The following EHD1 variants were observed in gnomAD, a reference collection of about 807,000 sequenced individuals.
EHD1 encodes the protein EH domain-containing protein 1.
Under a neutral mutation model 39.0 loss-of-function variants are expected in EHD1, and 19 were observed. The observed-to-expected ratio is 0.49, with a 90% CI of 0.34 to 0.72. The LOEUF (loss-of-function observed/expected upper bound fraction) is 0.72, where lower values mean the gene tolerates loss of function less well. EHD1 is among the 30% of genes least tolerant of loss of function. The pLI is 0.01. For missense variants in EHD1, 542 were observed against 751.5 expected (o/e 0.72, Z 3.26); for synonymous variants, 323 against 331.2 (o/e 0.98, Z 0.27).
intron 1 of EHD1, among the ~76,000 whole-genome samples, chr11:64,875,914 G>A (rs575505102): frequency 6.6e-6 from 1 of 152,334 alleles, no homozygotes; most frequent in South Asian, 2.1e-4. Context: ...ATGGGAAGCA[G>A]AATTGGCTCT....
intron 2 of EHD1, among the ~76,000 whole-genome samples, chr11:64,865,519 G>A (rs1166718993): frequency 4.6e-5 from 7 of 152,202 alleles, no homozygotes; most frequent in Non-Finnish European, 2.9e-5. Flanking sequence ...AACTGATGCC[G>A]AGCAAAAGGA....
chr11:64,876,684 T>C (rs1381136885), intron 1 of EHD1, among the ~76,000 whole-genome samples: 4 of 152,224 alleles, frequency 2.6e-5, no homozygotes, highest in Non-Finnish European at 5.9e-5. Context: ...GCCAAGATGA[T>C]GTCTAAGATC....
chr11:64,869,953 C>G (rs932528107), intron 2 of EHD1, among the ~76,000 whole-genome samples: 2 of 152,084 alleles, frequency 1.3e-5, no homozygotes, highest in Non-Finnish European at 2.9e-5. Flanking sequence ...CAGGGAGGCC[C>G]CATCCAACCA....
At chr11:64,860,601 C>T (rs181871529) in intron 2 of EHD1, among the ~76,000 whole-genome samples, 45 of 150,200 alleles carry the variant, frequency 3.0e-4, no homozygotes, top group South Asian at 2.7e-3. Flanking sequence ...GGCAGGGTGG[C>T]GCGAGCACTC....
At position 64,861,813 on chromosome 11, in the gene EHD1, C is replaced by T. The variant is rs1943719724; in HGVS notation, c.503-1477G>A. On this transcript the variant is annotated intron_variant, in intron 2 of 4. Coordinates refer to ENST00000320631, the MANE Select transcript of EHD1 (RefSeq NM_006795.4). ...AAGAAGCCCAGGAAGTGCTACGAAC[C>T]ACTTCCCCTTCCTGGGTCTTAAACA... 2.0e-5 allele frequency among the ~76,000 whole-genome samples: 3 copies of T among 152,176 alleles called. No individual in the cohort carries two copies. In the South Asian group the frequency reaches 6.2e-4, roughly 31 times the overall value.
At chr11:64,859,477 G>C (rs1314648213) in intron 3 of EHD1, 1 of 157,538 alleles carries the variant, frequency 6.3e-6, no homozygotes, top group Non-Finnish European at 1.4e-5. Context: ...CCGAGATCAT[G>C]CCACTGCACT....
chr11:64,879,638 A>T, upstream of EHD1: 1 of 1,549,188 alleles, frequency 6.5e-7, no homozygotes, highest in East Asian at 2.4e-5. Flanking sequence ...CATGGGGCTC[A>T]CTCCCCCGCC....
chr11:64,871,987 C>T (rs918013053), intron 2 of EHD1, among the ~76,000 whole-genome samples: 6 of 152,212 alleles, frequency 3.9e-5, no homozygotes, highest in Non-Finnish European at 5.9e-5. Context: ...GGTGCTTGTC[C>T]CAGAGACAGC....
At chr11:64,870,145 T>C (rs985767296) in intron 2 of EHD1, among the ~76,000 whole-genome samples, 3 of 151,966 alleles carry the variant, frequency 2.0e-5, no homozygotes, top group Non-Finnish European at 4.4e-5. Flanking sequence ...AGGACTGGAG[T>C]CTAACCTTGG....
Position 64,868,830 on chromosome 11 carries a change from G to GGGCAGA in EHD1, c.502+5585_502+5590dup, listed in dbSNP as rs1308805174. Among the ~76,000 whole-genome samples the GGGCAGA allele has an allele frequency of 6.6e-6, 1 of 152,192 alleles. No homozygotes were observed. Among genetic ancestry groups the GGGCAGA allele is most frequent in the Non-Finnish European group, 1.5e-5 (1 of 68,034 alleles). ...GAAGCAACAAAAGAGGGGCGGGAGG[G>GGGCAGA]GGCAGAGGAACTCTGGAATCAGGCC... On this transcript the variant is annotated intron_variant, in intron 2 of 4. Transcript: ENST00000320631. The surrounding 1 kb of genome is among the most constrained non-coding windows in gnomAD (Gnocchi z 4.2).
intron 3 of EHD1, chr11:64,855,718 G>A: frequency 1.7e-6 from 1 of 572,220 alleles, no homozygotes; most frequent in Middle Eastern, 4.7e-4. Flanking sequence ...GACAGGACAG[G>A]AAAACGCACT....
rs767110996 is a variant in EHD1 at position 64,878,105 on chromosome 11, G to T, written c.360C>A (p.Arg120=). 6 of 1,544,782 alleles carry T rather than the reference G, an allele frequency of 3.9e-6. No individual in the cohort carries two copies. The highest frequency in any genetic ancestry group is 1.4e-5 in the African/African-American group (1 of 72,970). The part of the protein sequence containing the change: ...PGNALVVDPR[R]PFRKLNAFGN... The stretch of plus-strand genomic sequence containing the variant: ...CAAACGCGTTGAGCTTGCGGAAGGG[G>T]CGCCGCGGGTCCACCACGAGCGCGT... The change falls in exon 1 of 5, where the codon CGC becomes CGA. Residue 120 remains arginine (R), a synonymous_variant. Coordinates refer to ENST00000320631, the MANE Select transcript of EHD1 (RefSeq NM_006795.4).
At chr11:64,861,378 G>A (rs1406382080) in intron 2 of EHD1, among the ~76,000 whole-genome samples, 3 of 152,186 alleles carry the variant, frequency 2.0e-5, no homozygotes, top group East Asian at 3.8e-4. Context: ...AGAGTGAGGA[G>A]GAGACCCAGC....
intron 2 of EHD1, among the ~76,000 whole-genome samples, chr11:64,863,491 C>T (rs1381591140): frequency 6.6e-6 from 1 of 152,208 alleles, no homozygotes. Flanking sequence ...ATCCGCTGCT[C>T]CCACCCTGCA....
Position 64,855,307 on chromosome 11 carries a change from T to C in EHD1, c.1080+15A>G, listed in dbSNP as rs1240601453. ...GATGGCCACCAGCCTGCATGGGGCC[T>C]CGGGACAGCCGTACCTGCATCTTGC... On this transcript the variant is annotated intron_variant, in intron 4 of 4. Coordinates refer to ENST00000320631, the MANE Select transcript of EHD1 (RefSeq NM_006795.4). 6.2e-7 allele frequency: 1 copy of C among 1,612,108 alleles called. No individual in the cohort carries two copies. Among genetic ancestry groups the C allele is most frequent in the Admixed American group, 1.7e-5 (1 of 59,828 alleles).
chr11:64,879,419 C>T (rs1475721276), upstream of EHD1, among the ~76,000 whole-genome samples: 1 of 152,174 alleles, frequency 6.6e-6, no homozygotes, highest in Non-Finnish European at 1.5e-5. Flanking sequence ...GAAGTTGAGG[C>T]TCTCTGGCCA....
At position 64,854,353 on chromosome 11, in the gene EHD1, A is replaced by G; in HGVS notation, c.1585T>C (p.Ser529Pro). 6.2e-7 allele frequency: 1 copy of G among 1,610,160 alleles called. No homozygotes were observed. Among genetic ancestry groups the G allele is most frequent in the Non-Finnish European group, 8.5e-7 (1 of 1,178,742 alleles). Reference sequence around the variant, plus strand: ...CGCCATCACTCATGTCTGCGCTTGGAGGGCGGCACCAGGTGCGGGGGCAGG... The same window carrying G: ...CGCCATCACTCATGTCTGCGCTTGGGGGGCGGCACCAGGTGCGGGGGCAGG... ...ADLPPHLVPP[S>P]KRRHE The change falls in exon 5 of 5, where the codon TCC becomes CCC. Residue 529 changes from serine (S) to proline (P), a missense_variant. Coordinates refer to ENST00000320631, the MANE Select transcript of EHD1 (RefSeq NM_006795.4).
intron 2 of EHD1, among the ~76,000 whole-genome samples, chr11:64,872,590 C>A (rs1393687295): frequency 6.7e-6 from 1 of 148,780 alleles, no homozygotes; most frequent in Non-Finnish European, 1.5e-5. Context: ...AAATACTAGC[C>A]CTCGCTTTTT....
intron 1 of EHD1, among the ~76,000 whole-genome samples, chr11:64,877,239 CTG>C (rs1943894711): frequency 6.6e-6 from 1 of 152,186 alleles, no homozygotes; most frequent in Non-Finnish European, 1.5e-5. Flanking sequence ...GGCGGGAGCA[CTG>C]TGTTTCATTC....
Sources: gnomAD v4.1 joint callset for allele counts (sites outside exome capture counted in the v4.1 genomes callset) on GRCh38, gnomAD v4.1.1 for gene constraint, Gnocchi (gnomAD v3.1) non-coding constraint, MANE v1.5 for transcripts, NCBI Gene and HGNC (gene_info 2026-07-23, HGNC 2026-07-21) for gene names.